Variants in BAZ2B observed in about 807,000 individuals in gnomAD.
The protein encoded by BAZ2B is bromodomain adjacent to zinc finger domain 2B, also known as bromodomain adjacent to zinc finger domain protein 2B.
A neutral mutation model predicts 246.0 loss-of-function variants in BAZ2B; 91 were observed. The observed-to-expected ratio is 0.37, with a 90% CI of 0.31 to 0.44. The LOEUF is 0.44. Among genes scored for constraint, BAZ2B ranks in the 20% least tolerant of loss-of-function variants. The pLI is 1.00. For missense variants in BAZ2B, 2,332 were observed against 2,533.7 expected (o/e 0.92, Z 1.71); for synonymous variants, 855 against 860.0 (o/e 0.99, Z 0.10).
chr2:159,690,229 A>G, the BAZ2B span: 3 of 416,120 alleles, frequency 7.2e-6, no homozygotes, highest in Non-Finnish European at 1.4e-5. Context: ...CTTTCACATT[A>G]TATCAATCTT....
intron 1 of BAZ2B, among the ~76,000 whole-genome samples, chr2:159,599,406 G>T (rs1347734608): frequency 1.3e-5 from 2 of 149,526 alleles, no homozygotes; most frequent in Non-Finnish European, 3.0e-5. Flanking sequence ...ATTACCTGAG[G>T]CTGGGAGTTT....
At chr2:159,625,015 G>A in the BAZ2B span, among the ~76,000 whole-genome samples, 7 of 152,020 alleles carry the variant, frequency 4.6e-5, no homozygotes, top group South Asian at 6.2e-4. Context: ...AACACAGCAC[G>A]AGAACTTTGT....
At chr2:159,561,974 T>C (rs2089923045) in intron 1 of BAZ2B, among the ~76,000 whole-genome samples, 1 of 152,230 alleles carries the variant, frequency 6.6e-6, no homozygotes, top group African/African-American at 2.4e-5. Flanking sequence ...ATTGCATCAT[T>C]ATGGCTTGGT....
chr2:159,455,169 A>C (rs767910798), intron 3 of BAZ2B, among the ~76,000 whole-genome samples: 3 of 152,150 alleles, frequency 2.0e-5, no homozygotes, highest in Non-Finnish European at 4.4e-5. Context: ...TAGTTTTAAC[A>C]TAGTATGTTT....
At chr2:159,691,152 G>A in the BAZ2B span, among the ~76,000 whole-genome samples, 1 of 152,102 alleles carries the variant, frequency 6.6e-6, no homozygotes. Context: ...GGTCTTTGCA[G>A]CATCTACGGA....
intron 16 of BAZ2B, among the ~76,000 whole-genome samples, chr2:159,403,010 G>A (rs1314452902): frequency 6.6e-6 from 1 of 152,070 alleles, no homozygotes; most frequent in Non-Finnish European, 1.5e-5. Context: ...TAAATATAGA[G>A]TCCTCGTCAG....
chr2:159,395,620 A>C (rs1396769718), intron 20 of BAZ2B, 149 bp downstream of exon 20: 2 of 567,662 alleles, frequency 3.5e-6, no homozygotes, highest in Non-Finnish European at 6.1e-6. Context: ...TCTAACACTC[A>C]GTTGCTATCT....
chr2:159,612,832 T>C (rs1333548005), intron 1 of BAZ2B, among the ~76,000 whole-genome samples: 2 of 152,146 alleles, frequency 1.3e-5, no homozygotes, highest in Non-Finnish European at 2.9e-5. Context: ...CACATCAGGA[T>C]GTTTGGCAAA....
chr2:159,689,376 T>G, the BAZ2B span: 1 of 213,978 alleles, frequency 4.7e-6, no homozygotes, highest in Non-Finnish European at 9.2e-6. Context: ...ACTTTCCTTT[T>G]TTTTTTTTTT....
At chr2:159,684,894 C>G in the BAZ2B span, among the ~76,000 whole-genome samples, 1 of 152,162 alleles carries the variant, frequency 6.6e-6, no homozygotes, top group Non-Finnish European at 1.5e-5. Context: ...TTAAAACCTT[C>G]TGTAAGAAAT....
intron 14 of BAZ2B, among the ~76,000 whole-genome samples, chr2:159,410,938 G>A (rs996545159): frequency 2.6e-5 from 4 of 152,176 alleles, no homozygotes; most frequent in Admixed American, 2.6e-4. Context: ...GGATATATAT[G>A]TATATGTGAG....
At chr2:159,428,500 A>C in intron 11 of BAZ2B, 81 bp from the exon 12 acceptor site, 1 of 1,022,342 alleles carries the variant, frequency 9.8e-7, no homozygotes. Flanking sequence ...TAAAGTATAC[A>C]TGTTCTCTAG....
chr2:159,424,170 A>G (rs1326940096), intron 13 of BAZ2B, among the ~76,000 whole-genome samples: 1 of 152,142 alleles, frequency 6.6e-6, no homozygotes, highest in Non-Finnish European at 1.5e-5. Flanking sequence ...CTTTAAAAAT[A>G]ATATTAGCAA....
At chr2:159,634,332 C>T in the BAZ2B span, among the ~76,000 whole-genome samples, 1 of 152,138 alleles carries the variant, frequency 6.6e-6, no homozygotes. Context: ...AATCTCATCC[C>T]CTTTTTGCAA....
chr2:159,412,801 G>T (rs530783967), intron 13 of BAZ2B, among the ~76,000 whole-genome samples: 1 of 152,134 alleles, frequency 6.6e-6, no homozygotes, highest in South Asian at 2.1e-4. Flanking sequence ...TATAAATGTA[G>T]AGATATAAAT....
At chr2:159,672,756 T>G in the BAZ2B span, among the ~76,000 whole-genome samples, 3 of 152,158 alleles carry the variant, frequency 2.0e-5, no homozygotes, top group Non-Finnish European at 4.4e-5. Flanking sequence ...CTCAGAAGAC[T>G]AGAGGAAAAA....
the BAZ2B span, among the ~76,000 whole-genome samples, chr2:159,671,232 G>T: frequency 1.3e-5 from 2 of 152,048 alleles, no homozygotes; most frequent in Non-Finnish European, 2.9e-5. Context: ...AGCTGTCAAG[G>T]TTGATGTTCA....
At chr2:159,617,328 A>AT (rs1156342834), upstream of BAZ2B, among the ~76,000 whole-genome samples, 1 of 152,038 alleles carries the variant, frequency 6.6e-6, no homozygotes, top group Non-Finnish European at 1.5e-5. Context: ...CCCCAACCCC[A>AT]ATTCCCAAAT....
At chr2:159,478,145 T>G (rs1210202887) in intron 3 of BAZ2B, among the ~76,000 whole-genome samples, 2 of 152,186 alleles carry the variant, frequency 1.3e-5, no homozygotes, top group Admixed American at 1.3e-4. Flanking sequence ...CTCTAAACTT[T>G]AAAAATATTT....
Sources: gnomAD v4.1 joint callset for allele counts (sites outside exome capture counted in the v4.1 genomes callset) on GRCh38, gnomAD v4.1.1 for gene constraint, MANE v1.5 for transcripts, NCBI Gene and HGNC (gene_info 2026-07-23, HGNC 2026-07-21) for gene names.